The following SH3RF2 variants were observed in gnomAD, a reference collection of about 807,000 sequenced individuals.
SH3RF2 encodes SH3 domain containing ring finger 2, also known as E3 ubiquitin-protein ligase SH3RF2.
In SH3RF2, 43 loss-of-function variants were observed where a neutral mutation model predicts 59.0. That is an observed-to-expected ratio of 0.73 (90% CI 0.57 to 0.94). SH3RF2 has a LOEUF of 0.94. SH3RF2 is among the 40% of genes least tolerant of loss of function. The pLI, the probability that SH3RF2 is intolerant of heterozygous loss-of-function variation, is 0.00. For synonymous variants in SH3RF2, 391 were observed against 391.5 expected (o/e 1.00, Z 0.01); for missense variants, 930 against 940.1 (o/e 0.99, Z 0.14).
At chr5:146,041,958 A>T (rs115587853) in intron 5 of SH3RF2, among the ~76,000 whole-genome samples, 1 of 152,094 alleles carries the variant, frequency 6.6e-6, no homozygotes, top group Non-Finnish European at 1.5e-5. Context: ...ATAAAATAAA[A>T]TGTAGCCCTT....
intron 2 of SH3RF2, among the ~76,000 whole-genome samples, chr5:145,973,005 A>C (rs1759147217): frequency 6.6e-6 from 1 of 152,288 alleles, no homozygotes; most frequent in African/African-American, 2.4e-5. Context: ...GTAAACAGTC[A>C]ATTTAAATGC....
chr5:146,060,320 C>A, intron 9 of SH3RF2, 96 bp downstream of exon 9: 2 of 1,200,786 alleles, frequency 1.7e-6, no homozygotes, highest in Non-Finnish European at 2.3e-6. Context: ...AACAAGGAAC[C>A]AAAATTGCAG....
At chr5:146,057,994 A>G (rs1762744905) in intron 8 of SH3RF2, among the ~76,000 whole-genome samples, 1 of 150,864 alleles carries the variant, frequency 6.6e-6, no homozygotes, top group African/African-American at 2.5e-5. Flanking sequence ...CTATATATAT[A>G]TATTTGATTT....
Position 145,938,176 on chromosome 5 carries a change from G to A in SH3RF2, c.248G>A (p.Gly83Glu). 3.7e-6 allele frequency: 6 copies of A among 1,614,074 alleles called. No homozygotes were observed. Among genetic ancestry groups the A allele is most frequent in the East Asian group, 2.2e-5 (1 of 44,890 alleles). The change falls in exon 2 of 10, where the codon GGG (glycine) becomes GAG (glutamate). Residue 83 changes from glycine to glutamate, a missense_variant. Gly to Glu is a moderately conservative substitution (Grantham distance 98). Transcript: ENST00000359120. ...LDGVRSGQSS[G>E]RGGSFRRPGT... Reference sequence around the variant, plus strand: ...GGAGTGCGCTCAGGGCAGAGCTCCGGGAGAGGGGGCTCCTTCCGCAGGCCT... The same window carrying A: ...GGAGTGCGCTCAGGGCAGAGCTCCGAGAGAGGGGGCTCCTTCCGCAGGCCT...
At chr5:145,985,167 A>C (rs900857244) in intron 2 of SH3RF2, among the ~76,000 whole-genome samples, 7 of 152,170 alleles carry the variant, frequency 4.6e-5, no homozygotes, top group Non-Finnish European at 1.0e-4. Context: ...AAAAAGAAAA[A>C]AGTCTTGGCT....
chr5:145,947,741 C>T (rs764316113), intron 2 of SH3RF2, among the ~76,000 whole-genome samples: 1 of 152,132 alleles, frequency 6.6e-6, no homozygotes, highest in Non-Finnish European at 1.5e-5. Context: ...TTAATATTTC[C>T]CAGGTCTCAC....
At chr5:146,066,982 G>T (rs543686404), downstream of SH3RF2, among the ~76,000 whole-genome samples, 1 of 152,086 alleles carries the variant, frequency 6.6e-6, no homozygotes, top group East Asian at 1.9e-4. Flanking sequence ...TGGGGAAGGC[G>T]GGTCATGCCC....
At chr5:146,074,191 C>A (rs918729233) in intron 9 of SH3RF2, among the ~76,000 whole-genome samples, 1 of 152,114 alleles carries the variant, frequency 6.6e-6, no homozygotes, top group African/African-American at 2.4e-5. Flanking sequence ...AGGCGCCCAA[C>A]ACCACGCCCG....
At position 145,976,611 on chromosome 5, in the gene SH3RF2, G is replaced by A. The variant is rs116166464; in HGVS notation, c.379-23447G>A. ...GAATAATCTAGTTCTAACTAGAAAA[G>A]TCAAGAAAAACGGAAGGTATTAGTC... On this transcript the variant is annotated intron_variant, in intron 2 of 9. Transcript: ENST00000359120. 4.9e-3 allele frequency among the ~76,000 whole-genome samples: 742 copies of A among 152,296 alleles called. 10 individuals carry two copies. The highest frequency in any genetic ancestry group is 0.017 in the African/African-American group (706 of 41,566).
chr5:145,936,925 C>CT (rs1308965941), intron 1 of SH3RF2: 1 of 152,232 alleles, frequency 6.6e-6, no homozygotes, highest in Non-Finnish European at 1.5e-5. Flanking sequence ...CTGGAGGCTT[C>CT]TTTTCATACA....
At chr5:145,975,137 C>T (rs966343923) in intron 2 of SH3RF2, among the ~76,000 whole-genome samples, 3 of 152,144 alleles carry the variant, frequency 2.0e-5, no homozygotes, top group African/African-American at 7.2e-5. Context: ...ACATCTGGGC[C>T]CAGGCAGCCA....
chr5:145,973,977 G>A (rs919157439), intron 2 of SH3RF2, among the ~76,000 whole-genome samples: 1 of 152,212 alleles, frequency 6.6e-6, no homozygotes, highest in African/African-American at 2.4e-5. Flanking sequence ...GGTTCTGTGG[G>A]TCAGGAGTCT....
chr5:146,075,704 G>A (rs546428990), intron 9 of SH3RF2, among the ~76,000 whole-genome samples: 9 of 149,454 alleles, frequency 6.0e-5, no homozygotes, highest in East Asian at 5.9e-4. Flanking sequence ...CCAGCTACCC[G>A]GGAGGCGGAG....
At chr5:145,963,919 G>A (rs1019547805) in intron 2 of SH3RF2, among the ~76,000 whole-genome samples, 26 of 148,644 alleles carry the variant, frequency 1.7e-4, no homozygotes, top group African/African-American at 6.5e-4. Flanking sequence ...TGCAAACTCC[G>A]CCTCCCGGAT....
rs182300296 is a variant in SH3RF2, at chr5:145,998,740, G to A, written c.379-1318G>A. 4.8e-4 allele frequency among the ~76,000 whole-genome samples: 73 copies of A among 152,152 alleles called. No individual in the cohort carries two copies. In the East Asian group the frequency reaches 0.011, roughly 22 times the overall value. Reference sequence around the variant, plus strand: ...ATCCTGGCCAACATAGTGAAACCCCGTCTCCACCAAAAATACAAAAATTAG... The same window carrying A: ...ATCCTGGCCAACATAGTGAAACCCCATCTCCACCAAAAATACAAAAATTAG... On this transcript the variant is annotated intron_variant, in intron 2 of 9. Transcript: ENST00000359120.
chr5:146,057,968 CTATCTA>C (rs143483162), intron 8 of SH3RF2, among the ~76,000 whole-genome samples: 69 of 71,782 alleles, frequency 9.6e-4, no homozygotes, highest in African/African-American at 2.4e-3. Flanking sequence ...CTCTCTCTCT[CTATCTA>C]TCTATCTATC....
rs147622743 is a variant in SH3RF2 at position 146,041,515 on chromosome 5, T to G, written c.1060-6257T>G. 4.4e-4 allele frequency among the ~76,000 whole-genome samples: 67 copies of G among 152,334 alleles called. No homozygotes were observed. In the East Asian group the frequency reaches 0.012, roughly 28 times the overall value. On this transcript the variant is annotated intron_variant, in intron 5 of 9. Coordinates refer to ENST00000359120, the MANE Select transcript of SH3RF2 (RefSeq NM_152550.4). ...ACACACAGCAATTACCAAATGTGGC[T>G]CTTAACTTGTTTTGAGTCTATAGAA...
chr5:146,006,805 T>A (rs1317067364), intron 4 of SH3RF2, among the ~76,000 whole-genome samples: 1 of 152,200 alleles, frequency 6.6e-6, no homozygotes, highest in Non-Finnish European at 1.5e-5. Flanking sequence ...CTAAATTCCA[T>A]GTTCAGTGCA....
At chr5:145,969,110 G>C (rs557569461) in intron 2 of SH3RF2, among the ~76,000 whole-genome samples, 1 of 151,960 alleles carries the variant, frequency 6.6e-6, no homozygotes, top group Non-Finnish European at 1.5e-5. Flanking sequence ...CATGGCCAAG[G>C]GTGTGCAAAT....
Sources: allele counts gnomAD v4.1 joint callset (sites outside exome capture counted in the v4.1 genomes callset), GRCh38; gene constraint gnomAD v4.1.1; transcripts MANE v1.5; gene names NCBI Gene and HGNC (gene_info 2026-07-23, HGNC 2026-07-21).